The following DPP10 variants were observed in gnomAD, a reference collection of about 807,000 sequenced individuals.
DPP10 encodes the protein inactive dipeptidyl peptidase 10.
DPP10 carries 33 observed loss-of-function variants against 120.9 expected under a neutral mutation model. That is an observed-to-expected ratio of 0.27 (90% confidence interval 0.21 to 0.37). DPP10 has a LOEUF of 0.37. DPP10 is among the 10% of genes least tolerant of loss of function. DPP10 has a pLI of 1.00. For synonymous variants in DPP10, 337 were observed against 326.1 expected, an observed-to-expected ratio of 1.03 and a Z score of -0.36; for missense variants, 816 against 942.8, an observed-to-expected ratio of 0.87 and a Z score of 1.76.
intron 5 of DPP10, among the ~76,000 whole-genome samples, chr2:115,586,605 TCTTTCCCAA>T (rs2082304830): frequency 1.3e-5 from 2 of 152,174 alleles, no homozygotes; most frequent in African/African-American, 4.8e-5. Context: ...AGGCTCACCT[TCTTTCCCAA>T]GACAGGATTT....
At chr2:114,639,364 T>C (rs1257517126) in intron 1 of DPP10, among the ~76,000 whole-genome samples, 4 of 151,868 alleles carry the variant, frequency 2.6e-5, no homozygotes, top group African/African-American at 9.7e-5. Context: ...GTCCCTCCCA[T>C]GACATGTGGG....
At chr2:115,177,487 A>C (rs977853075) in intron 1 of DPP10, among the ~76,000 whole-genome samples, 1 of 152,178 alleles carries the variant, frequency 6.6e-6, no homozygotes, top group African/African-American at 2.4e-5. Flanking sequence ...TTAATTTCTG[A>C]ATAACATATT....
intron 1 of DPP10, among the ~76,000 whole-genome samples, chr2:114,979,449 G>T (rs543791607): frequency 1.3e-5 from 2 of 151,866 alleles, no homozygotes; most frequent in East Asian, 1.9e-4. Context: ...TGAGTCTATT[G>T]TTTGGTAGGC....
At chr2:115,783,840 G>A (rs988120529) in intron 17 of DPP10, among the ~76,000 whole-genome samples, 1 of 152,050 alleles carries the variant, frequency 6.6e-6, no homozygotes, top group African/African-American at 2.4e-5. Context: ...CCAAGACAGT[G>A]CGTTAACATC....
At chr2:114,880,858 T>G (rs527639394) in intron 1 of DPP10, among the ~76,000 whole-genome samples, 6 of 152,262 alleles carry the variant, frequency 3.9e-5, no homozygotes, top group Middle Eastern at 6.8e-3. Flanking sequence ...TGGAATTGTA[T>G]GCATTCGTAT....
intron 3 of DPP10, among the ~76,000 whole-genome samples, chr2:115,396,663 TA>T (rs1318260786): frequency 6.6e-6 from 1 of 152,222 alleles, no homozygotes; most frequent in African/African-American, 2.4e-5. Context: ...CCCATTGTGT[TA>T]GCTTTTTACT....
At chr2:114,737,647 T>C (rs956324679) in intron 1 of DPP10, among the ~76,000 whole-genome samples, 10 of 152,174 alleles carry the variant, frequency 6.6e-5, no homozygotes, top group African/African-American at 2.2e-4. Context: ...CAGAGTCACA[T>C]GGTGATCTGA....
chr2:115,273,960 C>T (rs769182898), intron 1 of DPP10, among the ~76,000 whole-genome samples: 4 of 152,126 alleles, frequency 2.6e-5, no homozygotes, highest in African/African-American at 4.8e-5. Flanking sequence ...GTGGACTGCA[C>T]GGAGCCTTTA....
chr2:115,599,693 T>C (rs2083204196), intron 5 of DPP10, among the ~76,000 whole-genome samples: 1 of 152,160 alleles, frequency 6.6e-6, no homozygotes, highest in Non-Finnish European at 1.5e-5. Context: ...CCTTTCTATA[T>C]TGAGTAATTT....
chr2:115,163,189 G>T (rs2052566237), intron 1 of DPP10, among the ~76,000 whole-genome samples: 1 of 152,186 alleles, frequency 6.6e-6, no homozygotes, highest in African/African-American at 2.4e-5. Flanking sequence ...GGCTTTTCGC[G>T]TATTCTAAGC....
intron 1 of DPP10, among the ~76,000 whole-genome samples, chr2:115,220,505 AG>A (rs1559263230): frequency 6.6e-6 from 1 of 152,138 alleles, no homozygotes. Context: ...TGAGGCCAGG[AG>A]TTTGAGACCA....
chr2:114,704,645 ACTCT>A (rs912099078), intron 1 of DPP10, among the ~76,000 whole-genome samples: 2 of 151,830 alleles, frequency 1.3e-5, no homozygotes, highest in African/African-American at 4.8e-5. Context: ...GTTTTTAAAC[ACTCT>A]CTCTCCCTTT....
chr2:115,741,784 A>C (rs1677309036), intron 9 of DPP10, among the ~76,000 whole-genome samples: 1 of 152,156 alleles, frequency 6.6e-6, no homozygotes, highest in African/African-American at 2.4e-5. Flanking sequence ...GCATTGCTGC[A>C]TGCTCAAATT....
Position 115,475,525 on chromosome 2 carries a change from G to C in DPP10, c.272-23985G>C, listed in dbSNP as rs576071126. Among the ~76,000 whole-genome samples, 28 of 152,328 alleles carry C rather than the reference G, an allele frequency of 1.8e-4. No homozygotes were observed. In the South Asian group the frequency reaches 4.8e-3, roughly 26 times the overall value. ...AAGCCAATGTGGAGGGAACATGTGG[G>C]GTTGGAGTCCCCACACAGAATCCCC... On this transcript the variant is annotated intron_variant, in intron 3 of 25. Transcript: ENST00000410059.
intron 14 of DPP10, 36 bp from the exon 15 acceptor site, chr2:115,777,751 G>T (rs1254362761): frequency 3.1e-6 from 5 of 1,608,678 alleles, no homozygotes; most frequent in Non-Finnish European, 4.2e-6. Flanking sequence ...AAATAGATCT[G>T]TGTCTAATGC....
At chr2:114,996,362 A>G (rs953110862) in intron 1 of DPP10, among the ~76,000 whole-genome samples, 1 of 152,206 alleles carries the variant, frequency 6.6e-6, no homozygotes, top group African/African-American at 2.4e-5. Flanking sequence ...AATTACCAAG[A>G]GCATGGAGAG....
At chr2:115,378,429 T>G (rs2106446475) in intron 3 of DPP10, among the ~76,000 whole-genome samples, 1 of 151,750 alleles carries the variant, frequency 6.6e-6, no homozygotes, top group Non-Finnish European at 1.5e-5. Context: ...GCTAAGTTGC[T>G]TATCAGCTTA....
At chr2:115,090,249 T>TA (rs1338109785) in intron 1 of DPP10, among the ~76,000 whole-genome samples, 9 of 152,214 alleles carry the variant, frequency 5.9e-5, no homozygotes, top group Non-Finnish European at 1.3e-4. Flanking sequence ...TAACCCTTGC[T>TA]AGTGTGCATT....
intron 5 of DPP10, among the ~76,000 whole-genome samples, chr2:115,564,519 A>G (rs2080883883): frequency 1.3e-5 from 2 of 152,188 alleles, no homozygotes; most frequent in Non-Finnish European, 2.9e-5. Context: ...ATATCTAACT[A>G]CATCATTCAT....
Sources: allele counts gnomAD v4.1 joint callset (sites outside exome capture counted in the v4.1 genomes callset), GRCh38; gene constraint gnomAD v4.1.1; transcripts MANE v1.5; gene names NCBI Gene and HGNC (gene_info 2026-07-23, HGNC 2026-07-21).